DCT: variants seen among roughly 807,000 people sequenced by gnomAD.
DCT encodes the protein dopachrome tautomerase, also known as L-dopachrome tautomerase.
In DCT, 47 loss-of-function variants were observed where a neutral mutation model predicts 53.0. The ratio of observed to expected loss-of-function variants is 0.89; its 90% CI spans 0.70 to 1.13. The LOEUF is 1.13. Ranked by LOEUF, DCT falls within the 50% of genes most tolerant of loss-of-function variation. The pLI is 0.00. For synonymous variants in DCT, 244 were observed against 237.0 expected (o/e 1.03, Z -0.27); for missense variants, 669 against 637.4 (o/e 1.05, Z -0.53).
At chr13:94,487,773 T>C in the DCT span, among the ~76,000 whole-genome samples, 1 of 152,178 alleles carries the variant, frequency 6.6e-6, no homozygotes. Context: ...CTTTGCTGCC[T>C]CATCATGGGG....
At chr13:94,542,726 A>G in the DCT span, among the ~76,000 whole-genome samples, 4 of 152,228 alleles carry the variant, frequency 2.6e-5, no homozygotes, top group Non-Finnish European at 5.9e-5. Flanking sequence ...TGTGAAAAGC[A>G]TTTAGGAAAA....
the DCT span, among the ~76,000 whole-genome samples, chr13:94,487,528 G>C: frequency 6.6e-6 from 1 of 152,192 alleles, no homozygotes; most frequent in Non-Finnish European, 1.5e-5. Context: ...ATGCCTTCCT[G>C]TGCCAGTCTA....
upstream of DCT, among the ~76,000 whole-genome samples, chr13:94,483,838 G>A (rs1010683865): frequency 2.0e-5 from 3 of 152,060 alleles, no homozygotes; most frequent in Admixed American, 2.0e-4. Flanking sequence ...CCATCAGCAT[G>A]GTCTTTTTTA....
intron 1 of DCT, among the ~76,000 whole-genome samples, chr13:94,472,143 C>T (rs1417463125): frequency 1.3e-5 from 2 of 152,038 alleles, no homozygotes; most frequent in African/African-American, 4.8e-5. Context: ...ATAACTTATG[C>T]CATGAATTTG....
At chr13:94,543,579 T>C in the DCT span, among the ~76,000 whole-genome samples, 1 of 152,230 alleles carries the variant, frequency 6.6e-6, no homozygotes, top group Non-Finnish European at 1.5e-5. Flanking sequence ...TTGTGATATC[T>C]TCCTAGAAAT....
At chr13:94,484,887 C>T in the DCT span, among the ~76,000 whole-genome samples, 2 of 152,148 alleles carry the variant, frequency 1.3e-5, no homozygotes. Flanking sequence ...AGTTCAGCTC[C>T]TAACAGGGTG....
intron 7 of DCT, among the ~76,000 whole-genome samples, chr13:94,441,087 C>T (rs1224414619): frequency 1.3e-5 from 2 of 152,044 alleles, no homozygotes; most frequent in Non-Finnish European, 1.5e-5. Context: ...TGTTCTATAC[C>T]TTACACTCAC....
At chr13:94,547,361 C>T in the DCT span, among the ~76,000 whole-genome samples, 93 of 152,128 alleles carry the variant, frequency 6.1e-4, 1 homozygote, top group Admixed American at 1.0e-3. Context: ...AAGTGATCCG[C>T]CCACCTCGGC....
chr13:94,530,486 T>C, the DCT span, among the ~76,000 whole-genome samples: 39 of 152,266 alleles, frequency 2.6e-4, no homozygotes, highest in East Asian at 2.1e-3. Context: ...TGGTTCAACA[T>C]ATGCAAATCA....
chr13:94,519,034 C>T, the DCT span, among the ~76,000 whole-genome samples: 1 of 152,090 alleles, frequency 6.6e-6, no homozygotes, highest in Non-Finnish European at 1.5e-5. Context: ...CCCACCATTG[C>T]CCCCTCCGCC....
chr13:94,498,612 CTTG>C, the DCT span, among the ~76,000 whole-genome samples: 2 of 152,222 alleles, frequency 1.3e-5, no homozygotes, highest in Non-Finnish European at 2.9e-5. Flanking sequence ...GAAATCAACA[CTTG>C]TTGTTGAAGC....
rs1594264073 is a variant in DCT, at chr13:94,439,810, A to G, written c.*88T>C. 3.1e-6 allele frequency: 3 copies of G among 978,862 alleles called. No individual in the cohort carries two copies. The highest frequency in any genetic ancestry group is 4.9e-5 in the East Asian group (2 of 40,828). 60.6% of individuals were successfully genotyped at this position (978,862 alleles called of 1,614,324 possible). On this transcript the variant is annotated 3_prime_UTR_variant, in exon 8 of 8. Coordinates refer to ENST00000377028, the MANE Select transcript of DCT (RefSeq NM_001922.5). The stretch of plus-strand genomic sequence containing the variant: ...ACCTATGTCAAAGATCTTCAACTCA[A>G]GAAGGAACAGTGAGGATTAGTTCCT...
the DCT span, among the ~76,000 whole-genome samples, chr13:94,501,102 T>C: frequency 1.3e-5 from 2 of 151,886 alleles, no homozygotes; most frequent in African/African-American, 4.8e-5. Context: ...CCATCTCTAC[T>C]AAAAATACAA....
At chr13:94,472,827 C>T (rs1239711086) in intron 1 of DCT, among the ~76,000 whole-genome samples, 2 of 151,780 alleles carry the variant, frequency 1.3e-5, no homozygotes, top group Non-Finnish European at 2.9e-5. Context: ...GGTGATCCAC[C>T]TGCCTTGGCC....
the DCT span, among the ~76,000 whole-genome samples, chr13:94,522,052 T>C: frequency 6.6e-6 from 1 of 152,206 alleles, no homozygotes; most frequent in African/African-American, 2.4e-5. Flanking sequence ...TTCACCCATG[T>C]TGTAGCATGT....
chr13:94,535,034 C>T, the DCT span, among the ~76,000 whole-genome samples: 2 of 152,260 alleles, frequency 1.3e-5, no homozygotes, highest in Non-Finnish European at 2.9e-5. Flanking sequence ...AGTGCCACTG[C>T]ACCTGGCCCA....
chr13:94,472,936 T>C (rs1405599082), intron 1 of DCT, among the ~76,000 whole-genome samples: 1 of 152,158 alleles, frequency 6.6e-6, no homozygotes, highest in African/African-American at 2.4e-5. Flanking sequence ...ACTTATCAAA[T>C]AGTATAGCAA....
intron 6 of DCT, among the ~76,000 whole-genome samples, chr13:94,454,176 G>T (rs1883269147): frequency 6.6e-6 from 1 of 152,100 alleles, no homozygotes; most frequent in Non-Finnish European, 1.5e-5. Context: ...ACTGTATGTT[G>T]TATTCCATTT....
chr13:94,538,115 G>A, the DCT span, among the ~76,000 whole-genome samples: 8 of 152,072 alleles, frequency 5.3e-5, no homozygotes, highest in South Asian at 2.1e-4. Flanking sequence ...GGGAGTACAG[G>A]ATGGAAGAAA....
Sources: gnomAD v4.1 joint callset for allele counts (sites outside exome capture counted in the v4.1 genomes callset) on GRCh38, gnomAD v4.1.1 for gene constraint, MANE v1.5 for transcripts, NCBI Gene and HGNC (gene_info 2026-07-23, HGNC 2026-07-21) for gene names.